Variants in SIL1 observed in about 807,000 individuals in gnomAD.
SIL1 encodes the protein SIL1 nucleotide exchange factor.
A neutral mutation model predicts 49.1 loss-of-function variants in SIL1; 40 were observed. That is an observed-to-expected ratio of 0.81 (90% CI 0.63 to 1.06). SIL1 has a LOEUF of 1.06. Among genes scored for constraint, SIL1 ranks in the 50% least tolerant of loss-of-function variants. The pLI, the probability that SIL1 is intolerant of heterozygous loss-of-function variation, is 0.00. For synonymous variants in SIL1, 253 were observed against 250.8 expected (o/e 1.01, Z -0.08); for missense variants, 500 against 572.6 (o/e 0.87, Z 1.29).
At chr5:139,037,370 T>G (rs1394783376) in intron 5 of SIL1, among the ~76,000 whole-genome samples, 1 of 152,186 alleles carries the variant, frequency 6.6e-6, no homozygotes, top group Non-Finnish European at 1.5e-5. Context: ...TATGAATCTG[T>G]GAGTTTATGC....
intron 7 of SIL1, among the ~76,000 whole-genome samples, chr5:138,957,489 T>G (rs1580981807): frequency 6.7e-6 from 1 of 148,242 alleles, no homozygotes; most frequent in South Asian, 2.1e-4. Flanking sequence ...GAGGCTGAGG[T>G]AGGAGGATCA....
chr5:139,041,771 AAAC>A (rs1373767565), intron 5 of SIL1, among the ~76,000 whole-genome samples: 2 of 151,462 alleles, frequency 1.3e-5, no homozygotes, highest in Non-Finnish European at 2.9e-5. Flanking sequence ...ACCACCGCAC[AAAC>A]AACAAGGCCA....
At chr5:138,981,994 A>G (rs1767538447) in intron 7 of SIL1, among the ~76,000 whole-genome samples, 1 of 152,182 alleles carries the variant, frequency 6.6e-6, no homozygotes, top group African/African-American at 2.4e-5. Context: ...CAGTTTCTCC[A>G]TGCATAAAAT....
chr5:139,111,681 T>C (rs1304637750), intron 3 of SIL1, among the ~76,000 whole-genome samples: 2 of 152,210 alleles, frequency 1.3e-5, no homozygotes, highest in East Asian at 3.8e-4. Context: ...TATCGCTAAC[T>C]GAAATTGCCC....
chr5:139,032,856 A>G (rs916012358), intron 5 of SIL1: 2 of 152,178 alleles, frequency 1.3e-5, no homozygotes, highest in African/African-American at 4.8e-5. Context: ...AGTTGTTCAT[A>G]GTATTCTCTT....
chr5:139,125,959 G>A (rs561654188), intron 2 of SIL1, among the ~76,000 whole-genome samples: 1 of 152,286 alleles, frequency 6.6e-6, no homozygotes, highest in South Asian at 2.1e-4. Context: ...GCCTTTCCTG[G>A]GTGGGCATTA....
intron 3 of SIL1, among the ~76,000 whole-genome samples, chr5:139,079,791 C>G (rs976764257): frequency 3.3e-5 from 5 of 152,180 alleles, no homozygotes; most frequent in Non-Finnish European, 2.9e-5. Context: ...TCAAATACAG[C>G]CCTTGGGGTT....
chr5:139,046,669 T>C (rs1251744742), intron 4 of SIL1, among the ~76,000 whole-genome samples: 1 of 152,166 alleles, frequency 6.6e-6, no homozygotes, highest in Non-Finnish European at 1.5e-5. Flanking sequence ...TTCCCTGAAT[T>C]GAAATAAGGA....
Position 139,026,983 on chromosome 5 carries a change from C to G in SIL1, c.463G>C (p.Ala155Pro). 6.2e-7 allele frequency: 1 copy of G among 1,614,146 alleles called. No homozygotes were observed. The highest frequency in any genetic ancestry group is 8.5e-7 in the Non-Finnish European group (1 of 1,180,026). ...GGGCGGAAGAGCCGCTTTACCTCAG[C>G]CTGCCTTGCCTAAGGAGAGCAGCAA... is the stretch of plus-strand genomic sequence containing the variant. ...ESSKEDKARQ[A>P]EVKRLFRPIE... Residue 155 changes from alanine to proline, a missense_variant, in exon 6 of 10, where the codon GCT becomes CCT. Transcript: ENST00000394817.
At chr5:139,062,997 A>C (rs1279166385) in intron 3 of SIL1, among the ~76,000 whole-genome samples, 2 of 152,228 alleles carry the variant, frequency 1.3e-5, no homozygotes, top group Non-Finnish European at 2.9e-5. Flanking sequence ...TAGATTTCCA[A>C]GTCCAGAGAA....
chr5:139,174,621 C>T (rs1246415886), intron 1 of SIL1, among the ~76,000 whole-genome samples: 1 of 151,608 alleles, frequency 6.6e-6, no homozygotes, highest in East Asian at 1.9e-4. Flanking sequence ...CTGGGCAGTA[C>T]AGCAAGACCC....
intron 3 of SIL1, among the ~76,000 whole-genome samples, chr5:139,093,131 T>TC (rs1161566758): frequency 7.3e-5 from 11 of 151,688 alleles, no homozygotes; most frequent in Middle Eastern, 3.4e-3. Flanking sequence ...TCTCTTTTGT[T>TC]CCCCCCCACA....
intron 7 of SIL1, among the ~76,000 whole-genome samples, chr5:138,959,620 G>A (rs768232907): frequency 7.2e-5 from 11 of 152,198 alleles, no homozygotes; most frequent in Admixed American, 3.3e-4. Context: ...CTCTCACAAC[G>A]TGGCCTCACG....
intron 7 of SIL1, among the ~76,000 whole-genome samples, chr5:139,001,764 G>A (rs1767988312): frequency 6.6e-6 from 1 of 152,094 alleles, no homozygotes; most frequent in Admixed American, 6.5e-5. Context: ...AATTAGCTGG[G>A]CGTGGTGGCG....
At chr5:139,186,564 A>G (rs1473495671) in intron 1 of SIL1, among the ~76,000 whole-genome samples, 1 of 152,120 alleles carries the variant, frequency 6.6e-6, no homozygotes, top group African/African-American at 2.4e-5. Flanking sequence ...AGTAGCAGCC[A>G]CCCCTCATGA....
chr5:138,973,165 C>A (rs1391628449), intron 7 of SIL1, among the ~76,000 whole-genome samples: 1 of 143,848 alleles, frequency 7.0e-6, no homozygotes, highest in East Asian at 2.1e-4. Context: ...AACAAACCTG[C>A]GCGTTGTGCA....
At chr5:139,170,739 C>T (rs1309968075) in intron 1 of SIL1, among the ~76,000 whole-genome samples, 5 of 151,010 alleles carry the variant, frequency 3.3e-5, no homozygotes, top group Non-Finnish European at 5.9e-5. Context: ...AAGTGAGGAG[C>T]GTCTCCGCCC....
At chr5:139,074,660 A>C (rs1216956346) in intron 3 of SIL1, among the ~76,000 whole-genome samples, 1 of 152,138 alleles carries the variant, frequency 6.6e-6, no homozygotes, top group Non-Finnish European at 1.5e-5. Context: ...TCGCACAGTG[A>C]AGCCAGAGTG....
chr5:139,175,729 G>C, intron 1 of SIL1, among the ~76,000 whole-genome samples: 1 of 152,178 alleles, frequency 6.6e-6, no homozygotes, highest in South Asian at 2.1e-4. Context: ...TCGGGAGGCC[G>C]AGGCAGGCAG....
Sources: gnomAD v4.1 joint callset for allele counts (sites outside exome capture counted in the v4.1 genomes callset) on GRCh38, gnomAD v4.1.1 for gene constraint, MANE v1.5 for transcripts, NCBI Gene and HGNC (gene_info 2026-07-23, HGNC 2026-07-21) for gene names.